The following CSMD1 variants were observed in gnomAD, a reference collection of about 807,000 sequenced individuals.
The protein encoded by CSMD1 is CUB and Sushi multiple domains 1.
Under a neutral mutation model 417.5 loss-of-function variants are expected in CSMD1, and 213 were observed. The observed-to-expected ratio is 0.51, with a 90% CI of 0.46 to 0.57. The LOEUF is 0.57. Ranked by LOEUF, CSMD1 falls within the 20% of genes least tolerant of loss-of-function variation. The pLI is 0.00. For missense variants in CSMD1, 6,923 were observed against 4,529.7 expected, an observed-to-expected ratio of 1.53 and a Z score of -15.17; for synonymous variants, 2,862 against 1,736.8, an observed-to-expected ratio of 1.65 and a Z score of -16.11.
chr8:4,166,044 C>T (rs1412237603), intron 3 of CSMD1, among the ~76,000 whole-genome samples: 5 of 152,126 alleles, frequency 3.3e-5, no homozygotes, highest in Non-Finnish European at 7.3e-5. Context: ...TATTTACATG[C>T]TCACACTTTA....
Position 4,776,306 on chromosome 8 carries a change from G to T in CSMD1, c.86-138748C>A, listed in dbSNP as rs535817135. On this transcript the variant is annotated intron_variant, in intron 1 of 69. Coordinates refer to ENST00000635120, the MANE Select transcript of CSMD1 (RefSeq NM_033225.6). ...TAGCAGCATGTATATAATATTACTT[G>T]TTGCTAGTTTTAATATTAATATGAA... is the stretch of plus-strand genomic sequence containing the variant. 2.6e-5 allele frequency among the ~76,000 whole-genome samples: 4 copies of T among 152,202 alleles called. No individual in the cohort carries two copies. In the South Asian group the frequency reaches 6.2e-4, roughly 24 times the overall value.
At chr8:2,986,065 A>G (rs745717106) in intron 54 of CSMD1, among the ~76,000 whole-genome samples, 25 of 145,116 alleles carry the variant, frequency 1.7e-4, no homozygotes, top group Non-Finnish European at 3.3e-4. Flanking sequence ...GGAAGGAAGG[A>G]AAGAAGGGAG....
chr8:4,967,172 A>T (rs915400013), intron 1 of CSMD1, among the ~76,000 whole-genome samples: 3 of 152,180 alleles, frequency 2.0e-5, no homozygotes, highest in Non-Finnish European at 2.9e-5. Context: ...ATAATTTTAA[A>T]CACTATGAGC....
At chr8:4,122,886 G>C (rs1385062762) in intron 3 of CSMD1, among the ~76,000 whole-genome samples, 3 of 152,206 alleles carry the variant, frequency 2.0e-5, no homozygotes, top group East Asian at 1.9e-4. Context: ...AACTCCTGAA[G>C]AAACTAATAG....
chr8:4,420,454 T>C (rs990583034), intron 2 of CSMD1, among the ~76,000 whole-genome samples: 2 of 152,038 alleles, frequency 1.3e-5, no homozygotes, highest in Non-Finnish European at 2.9e-5. Flanking sequence ...GTCATGGTGG[T>C]TTGCTGCACC....
At chr8:3,828,347 G>C (rs1202385695) in intron 5 of CSMD1, among the ~76,000 whole-genome samples, 8 of 152,132 alleles carry the variant, frequency 5.3e-5, no homozygotes, top group Admixed American at 3.3e-4. Context: ...CTATAATTAA[G>C]AATCTGTTAG....
At chr8:3,586,669 A>C (rs1371946424) in intron 8 of CSMD1, among the ~76,000 whole-genome samples, 1 of 152,208 alleles carries the variant, frequency 6.6e-6, no homozygotes, top group African/African-American at 2.4e-5. Flanking sequence ...AGAAGTAAAA[A>C]AGTCTAGGTT....
At position 4,650,270 on chromosome 8, in the gene CSMD1, G is replaced by A. The variant is rs193085649; in HGVS notation, c.86-12712C>T. On this transcript the variant is annotated intron_variant, in intron 1 of 69. Coordinates refer to ENST00000635120, the MANE Select transcript of CSMD1 (RefSeq NM_033225.6). ...TGAGGCAGGAGAATGGCGTGAACCC[G>A]GGAGGCGGAGCTTGCAGTGAGCCTA... Among the ~76,000 whole-genome samples the A allele has an allele frequency of 3.3e-4, 49 of 149,158 alleles. No homozygotes were observed. In the East Asian group the frequency reaches 7.8e-3, roughly 24 times the overall value.
intron 10 of CSMD1, among the ~76,000 whole-genome samples, chr8:3,536,325 C>G (rs1324232958): frequency 6.6e-6 from 1 of 152,138 alleles, no homozygotes; most frequent in Non-Finnish European, 1.5e-5. Flanking sequence ...AAAATGGCAG[C>G]CTGTGGCTTC....
chr8:3,430,391 T>A (rs1814139688), intron 12 of CSMD1, among the ~76,000 whole-genome samples: 1 of 152,206 alleles, frequency 6.6e-6, no homozygotes, highest in Non-Finnish European at 1.5e-5. Context: ...AAGCTGTATC[T>A]GTCTTCTGTT....
intron 2 of CSMD1, among the ~76,000 whole-genome samples, chr8:4,580,513 G>A (rs973124238): frequency 2.6e-5 from 4 of 152,158 alleles, no homozygotes; most frequent in African/African-American, 7.2e-5. Flanking sequence ...TGAGGTTCTG[G>A]CTCGGGCCGT....
chr8:3,398,759 G>C (rs9969535), intron 16 of CSMD1, among the ~76,000 whole-genome samples: 79,747 of 151,996 alleles, frequency 0.52, 21,189 homozygotes, highest in Middle Eastern at 0.61. Flanking sequence ...AGTGTTGAGA[G>C]AAATGGGAAA....
At chr8:3,250,937 G>C (rs1800209561) in intron 26 of CSMD1, among the ~76,000 whole-genome samples, 1 of 152,042 alleles carries the variant, frequency 6.6e-6, no homozygotes, top group Non-Finnish European at 1.5e-5. Flanking sequence ...AAATTTGTTT[G>C]AGTTCATTGT....
intron 29 of CSMD1, among the ~76,000 whole-genome samples, chr8:3,218,114 G>A (rs1466320629): frequency 1.3e-5 from 2 of 152,144 alleles, no homozygotes; most frequent in African/African-American, 4.8e-5. Context: ...GATGTTAGTG[G>A]CAGGGAATGG....
chr8:4,207,660 T>C (rs1446428556), intron 3 of CSMD1, among the ~76,000 whole-genome samples: 2 of 152,170 alleles, frequency 1.3e-5, no homozygotes, highest in African/African-American at 4.8e-5. Context: ...TATTCCTACA[T>C]AAATTAGTGT....
intron 1 of CSMD1, among the ~76,000 whole-genome samples, chr8:4,648,337 A>G (rs1803668776): frequency 6.6e-6 from 1 of 152,202 alleles, no homozygotes; most frequent in Non-Finnish European, 1.5e-5. Context: ...CACTTAGGAT[A>G]TAATGACATG....
intron 23 of CSMD1, among the ~76,000 whole-genome samples, chr8:3,315,659 A>T (rs1194018295): frequency 3.4e-5 from 5 of 148,392 alleles, no homozygotes; most frequent in Non-Finnish European, 7.6e-5. Context: ...AAAAAATAGC[A>T]ATAGCAAACA....
Position 4,737,367 on chromosome 8 carries a change from G to GA in CSMD1, c.86-99810dup, listed in dbSNP as rs922565954. Among the ~76,000 whole-genome samples the GA allele has an allele frequency of 5.9e-4, 88 of 148,254 alleles. 1 individual carries two copies. The East Asian group carries it at 8.4e-3, about 14-fold the overall frequency. Reference sequence around the variant, plus strand: ...GAGGGTTGGAGGAGAGAGAGAGTCAGAAAAAAAAAATAACTAATGGGTACT... The same window carrying GA: ...GAGGGTTGGAGGAGAGAGAGAGTCAGAAAAAAAAAAATAACTAATGGGTACT... On this transcript the variant is annotated intron_variant, in intron 1 of 69. Transcript: ENST00000635120.
At chr8:4,023,392 CA>C (rs1271484519) in intron 4 of CSMD1, among the ~76,000 whole-genome samples, 1 of 152,076 alleles carries the variant, frequency 6.6e-6, no homozygotes, top group Non-Finnish European at 1.5e-5. Flanking sequence ...AAATGTGAAA[CA>C]AAAGTAATTC....
Sources: gnomAD v4.1 joint callset for allele counts (sites outside exome capture counted in the v4.1 genomes callset) on GRCh38, gnomAD v4.1.1 for gene constraint, MANE v1.5 for transcripts, NCBI Gene and HGNC (gene_info 2026-07-23, HGNC 2026-07-21) for gene names.